GRIA4: variants seen among roughly 807,000 people sequenced by gnomAD.
GRIA4 encodes the protein glutamate receptor 4.
GRIA4 carries 34 observed loss-of-function variants against 104.0 expected under a neutral mutation model. The observed-to-expected ratio is 0.33, with a 90% CI of 0.25 to 0.44. The LOEUF (loss-of-function observed/expected upper bound fraction) is 0.44. Ranked by LOEUF, GRIA4 falls within the 20% of genes least tolerant of loss-of-function variation. GRIA4 has a pLI of 1.00. For synonymous variants in GRIA4, 386 were observed against 381.9 expected (o/e 1.01, Z -0.13); for missense variants, 750 against 1,096.5 (o/e 0.68, Z 4.46).
chr11:105,658,834 G>T (rs1302752893), intron 3 of GRIA4, among the ~76,000 whole-genome samples: 1 of 151,786 alleles, frequency 6.6e-6, no homozygotes, highest in African/African-American at 2.4e-5. Context: ...TTTCTTACAT[G>T]TGAATGGAAA....
intron 4 of GRIA4, among the ~76,000 whole-genome samples, chr11:105,797,456 C>A (rs931820902): frequency 1.3e-5 from 2 of 152,026 alleles, no homozygotes; most frequent in East Asian, 1.9e-4. Flanking sequence ...AGTTAGCATT[C>A]GGGCCTAAGG....
intron 8 of GRIA4, among the ~76,000 whole-genome samples, chr11:105,904,217 C>T (rs1432384496): frequency 1.3e-5 from 2 of 152,116 alleles, no homozygotes; most frequent in Non-Finnish European, 2.9e-5. Context: ...ATAAAAAACC[C>T]AAATCACAGT....
At chr11:105,763,819 T>TG (rs1940794786) in intron 4 of GRIA4, among the ~76,000 whole-genome samples, 1 of 152,216 alleles carries the variant, frequency 6.6e-6, no homozygotes, top group South Asian at 2.1e-4. Flanking sequence ...GATGATACCC[T>TG]GCCAAAAAGG....
chr11:105,932,427 G>A (rs1443611304), intron 13 of GRIA4, among the ~76,000 whole-genome samples: 4 of 152,054 alleles, frequency 2.6e-5, no homozygotes, highest in Non-Finnish European at 5.9e-5. Context: ...CCAAAATGTT[G>A]GGATTACAGT....
chr11:105,921,907 A>G (rs1400207598), intron 11 of GRIA4, among the ~76,000 whole-genome samples: 2 of 152,134 alleles, frequency 1.3e-5, no homozygotes, highest in African/African-American at 4.8e-5. Flanking sequence ...AATAAAATAC[A>G]TAATATTGAT....
At chr11:105,906,339 A>G (rs1947039931) in intron 9 of GRIA4, among the ~76,000 whole-genome samples, 1 of 152,186 alleles carries the variant, frequency 6.6e-6, no homozygotes. Flanking sequence ...ACTGATCTAC[A>G]TAGGAAGAGA....
At chr11:105,922,389 C>T (rs2136191005) in intron 11 of GRIA4, among the ~76,000 whole-genome samples, 1 of 152,202 alleles carries the variant, frequency 6.6e-6, no homozygotes, top group East Asian at 1.9e-4. Context: ...GGGCAAAGTA[C>T]ATTATAAGCA....
At chr11:105,712,576 T>C (rs963247068) in intron 3 of GRIA4, among the ~76,000 whole-genome samples, 30 of 152,250 alleles carry the variant, frequency 2.0e-4, no homozygotes, top group Admixed American at 7.2e-4. Context: ...AAAGGGATTA[T>C]TACAACATTT....
At chr11:105,891,664 C>A (rs1196060269) in intron 6 of GRIA4, among the ~76,000 whole-genome samples, 2 of 152,120 alleles carry the variant, frequency 1.3e-5, no homozygotes, top group Non-Finnish European at 2.9e-5. Flanking sequence ...GAAAGCTATC[C>A]CTAAATATCC....
chr11:105,710,861 C>G (rs1490466488), intron 3 of GRIA4, among the ~76,000 whole-genome samples: 1 of 151,888 alleles, frequency 6.6e-6, no homozygotes, highest in Non-Finnish European at 1.5e-5. Flanking sequence ...TGATATTTAG[C>G]AAATATTAAA....
intron 3 of GRIA4, among the ~76,000 whole-genome samples, chr11:105,631,143 T>C (rs1391084790): frequency 2.6e-5 from 4 of 152,192 alleles, no homozygotes; most frequent in Admixed American, 2.6e-4. Context: ...TCTAAGGACA[T>C]AGGTCTCTTT....
At chr11:105,635,576 T>C (rs150788663) in intron 3 of GRIA4, among the ~76,000 whole-genome samples, 1,609 of 152,078 alleles carry the variant, frequency 0.011, 27 homozygotes, top group African/African-American at 0.036. Context: ...CAGGGGTGAG[T>C]CTTGTCCTGG....
intron 14 of GRIA4, among the ~76,000 whole-genome samples, chr11:105,945,873 T>C (rs1948294547): frequency 1.3e-5 from 2 of 152,150 alleles, no homozygotes; most frequent in Non-Finnish European, 2.9e-5. Flanking sequence ...AGCCAAACAA[T>C]AGTGCTCACA....
At chr11:105,822,046 AC>A (rs1315214433) in intron 4 of GRIA4, among the ~76,000 whole-genome samples, 9 of 152,152 alleles carry the variant, frequency 5.9e-5, no homozygotes, top group Admixed American at 2.0e-4. Context: ...AGATGCTAAT[AC>A]CTAAAGCATA....
intron 5 of GRIA4, among the ~76,000 whole-genome samples, chr11:105,885,605 T>C (rs906280101): frequency 2.6e-5 from 4 of 152,142 alleles, no homozygotes; most frequent in Non-Finnish European, 4.4e-5. Context: ...GTCAAGTCAA[T>C]ACATAAAGCC....
intron 4 of GRIA4, among the ~76,000 whole-genome samples, chr11:105,763,042 T>C (rs2135721018): frequency 6.6e-6 from 1 of 152,322 alleles, no homozygotes; most frequent in Admixed American, 6.5e-5. Context: ...TTATACATGG[T>C]GCTAACTTAA....
intron 3 of GRIA4, among the ~76,000 whole-genome samples, chr11:105,741,159 G>T (rs969758036): frequency 7.9e-5 from 12 of 152,140 alleles, no homozygotes; most frequent in Non-Finnish European, 7.4e-5. Context: ...TGTGTTAGAT[G>T]TGGAAATAAG....
Position 105,794,648 on chromosome 11 carries a change from A to T in GRIA4, c.487+41428A>T, listed in dbSNP as rs569006665. Among the ~76,000 whole-genome samples the T allele has an allele frequency of 2.7e-4, 41 of 149,876 alleles. 2 individuals are homozygous for T. In the South Asian group the frequency reaches 8.7e-3, roughly 32 times the overall value. ...GAGAGTTATGGTTGTGGTTATGGTT[A>T]TATGGCTATGTAGTAATAAATAGGG... On this transcript the variant is annotated intron_variant, in intron 4 of 16. Coordinates refer to ENST00000282499, the MANE Select transcript of GRIA4 (RefSeq NM_000829.4).
chr11:105,681,850 TG>T (rs2135467020), intron 3 of GRIA4, among the ~76,000 whole-genome samples: 1 of 152,222 alleles, frequency 6.6e-6, no homozygotes, highest in African/African-American at 2.4e-5. Flanking sequence ...AAAACCAACC[TG>T]GTCAACATGG....
Sources: allele counts gnomAD v4.1 joint callset (sites outside exome capture counted in the v4.1 genomes callset), GRCh38; gene constraint gnomAD v4.1.1; transcripts MANE v1.5; gene names NCBI Gene and HGNC (gene_info 2026-07-23, HGNC 2026-07-21).